DCHS2: variants seen among roughly 807,000 people sequenced by gnomAD.
DCHS2 encodes protocadherin-23.
Under a neutral mutation model 182.4 loss-of-function variants are expected in DCHS2, and 142 were observed. The observed-to-expected ratio is 0.78, with a 90% CI of 0.68 to 0.89. DCHS2 has a LOEUF of 0.89. DCHS2 is among the 40% of genes least tolerant of loss of function. The pLI, the probability that DCHS2 is intolerant of heterozygous loss-of-function variation, is 0.00. For synonymous variants in DCHS2, 1,740 were observed against 1,663.3 expected, an observed-to-expected ratio of 1.05 and a Z score of -1.12; for missense variants, 4,319 against 4,198.6, an observed-to-expected ratio of 1.03 and a Z score of -0.79.
At position 154,316,029 on chromosome 4, in the gene DCHS2, C is replaced by G. The variant is rs759365263; in HGVS notation, c.5021-42G>C. ...AGAAAAGCAACATGTAATGAATATT[C>G]TTTAGAGAAGTCATGCTTACTCCAC... On this transcript the variant is annotated intron_variant, in intron 9 of 19. Transcript: ENST00000357232. 4 of 1,606,896 alleles carry G rather than the reference C, an allele frequency of 2.5e-6. No homozygotes were observed. In the East Asian group the frequency reaches 6.7e-5, roughly 27 times the overall value.
chr4:154,488,576 T>A (rs1010960369), intron 1 of DCHS2, among the ~76,000 whole-genome samples: 2 of 144,272 alleles, frequency 1.4e-5, no homozygotes, highest in Non-Finnish European at 3.0e-5. Context: ...ACTACCTTAT[T>A]CCCTAGGTTG....
In DCHS2 at chr4:154,259,585, G is replaced by T. The variant is rs371990667; in HGVS notation, c.6749C>A (p.Ser2250Ter). Reference protein sequence around the residue: ...PCFEQSIYQASVSESQLYNAH... With the variant: ...PCFEQSIYQA ...ATTGTAGAGTTGGCTTTCAGACACTGATGCCTGGTAAATGCTTTGTTCAAA... is the reference window on the plus strand; with the variant it reads ...ATTGTAGAGTTGGCTTTCAGACACTTATGCCTGGTAAATGCTTTGTTCAAA... Residue 2250 changes from serine to a stop codon, truncating the protein, a stop_gained, in exon 15 of 20, where the codon TCA becomes TAA. Transcript: ENST00000357232. LOFTEE classifies it high-confidence loss of function. 1 of 1,613,648 alleles carries T rather than the reference G, an allele frequency of 6.2e-7. No individual in the cohort carries two copies. The highest frequency in any genetic ancestry group is 1.3e-5 in the African/African-American group (1 of 74,812).
chr4:154,457,831 T>C (rs1734835622), intron 1 of DCHS2, among the ~76,000 whole-genome samples: 1 of 152,190 alleles, frequency 6.6e-6, no homozygotes, highest in Non-Finnish European at 1.5e-5. Flanking sequence ...CACGAGAATT[T>C]GCATTTTTAA....
rs142455236 is a variant in DCHS2 at position 154,383,154 on chromosome 4, C to T, written c.2053-5710G>A. Among the ~76,000 whole-genome samples the T allele has an allele frequency of 1.8e-3, 281 of 152,242 alleles. 1 individual carries two copies. Among genetic ancestry groups the T allele is most frequent in the Middle Eastern group, 0.014 (4 of 294 alleles). On this transcript the variant is annotated intron_variant, in intron 1 of 19. Coordinates refer to ENST00000357232, the MANE Select transcript of DCHS2 (RefSeq NM_001358235.2). ...ATATGCACTATGGAATGCTACACAG[C>T]CATAAACAAGAAAAATATCATGTCC...
In DCHS2 at chr4:154,236,290, T is replaced by C. The variant is rs1560971191; in HGVS notation, c.8362A>G (p.Ile2788Val). Residue 2788 changes from isoleucine to valine, a missense_variant, in exon 20 of 20, where the codon ATA (isoleucine) becomes GTA (valine). Coordinates refer to ENST00000357232, the MANE Select transcript of DCHS2 (RefSeq NM_001358235.2). The part of the protein sequence containing the change: ...VPENLPISST[I>V]CSINALDFDA... ...AAATCCAGAGCATTTATAGAGCATATGGTAGAGGAAATAGGCAGATTTTCT... is the reference window on the plus strand; with the variant it reads ...AAATCCAGAGCATTTATAGAGCATACGGTAGAGGAAATAGGCAGATTTTCT... 3.7e-6 allele frequency: 6 copies of C among 1,613,986 alleles called. No homozygotes were observed. The highest frequency in any genetic ancestry group is 1.7e-5 in the Admixed American group (1 of 60,008).
chr4:154,416,501 G>C (rs73854752), intron 1 of DCHS2, among the ~76,000 whole-genome samples: 217 of 152,272 alleles, frequency 1.4e-3, no homozygotes, highest in African/African-American at 5.1e-3. Flanking sequence ...CAGGCTCCCT[G>C]AGTCCTGCTC....
intron 1 of DCHS2, among the ~76,000 whole-genome samples, chr4:154,378,495 G>T (rs143265895): frequency 4.4e-5 from 2 of 45,184 alleles, no homozygotes; most frequent in South Asian, 1.4e-3. Context: ...GAGGGAGGGA[G>T]GGTGGGAAGG....
Position 154,443,084 on chromosome 4 carries a change from C to T in DCHS2, c.2052+46220G>A, listed in dbSNP as rs116065009. ...TATCCACTCCAACCACCTCCAACAA[C>T]CACCACCGCCTCATGCCCTCACTTC... On this transcript the variant is annotated intron_variant, in intron 1 of 19. Coordinates refer to ENST00000357232, the MANE Select transcript of DCHS2 (RefSeq NM_001358235.2). Among the ~76,000 whole-genome samples the T allele has an allele frequency of 9.5e-3, 1,444 of 152,166 alleles. 19 individuals are homozygous for T. Among genetic ancestry groups the T allele is most frequent in the African/African-American group, 0.033 (1,379 of 41,492 alleles).
chr4:154,329,317 G>A (rs1023108512), intron 6 of DCHS2, among the ~76,000 whole-genome samples: 1 of 152,122 alleles, frequency 6.6e-6, no homozygotes, highest in African/African-American at 2.4e-5. Context: ...GCAACTGGAG[G>A]TACAATGCCA....
intron 13 of DCHS2, among the ~76,000 whole-genome samples, chr4:154,281,016 A>AATGTTTCACCATGT (rs1320509372): frequency 6.6e-6 from 1 of 151,938 alleles, no homozygotes; most frequent in Non-Finnish European, 1.5e-5. Context: ...TTGTGGAGAC[A>AATGTTTCACCATGT]ATGTTTCACC....
intron 15 of DCHS2, among the ~76,000 whole-genome samples, chr4:154,257,847 C>G (rs1483755800): frequency 6.6e-6 from 1 of 152,222 alleles, no homozygotes; most frequent in African/African-American, 2.4e-5. Context: ...CAGCCTTCTA[C>G]AAGTCTGCCA....
rs780197554 is a variant in DCHS2 at position 154,315,746 on chromosome 4, ACCTGAATCTCTGT to A, written c.5249_5260+1del. ...TACCCAGTTTCTGTATTTCTAAATTACCTGAATCTCTGTCCAGAGCTTCAACCCTGGTAACAAA... is the reference window on the plus strand; with the variant it reads ...TACCCAGTTTCTGTATTTCTAAATTACCAGAGCTTCAACCCTGGTAACAAA... On this transcript the variant is annotated splice_donor_variant and coding_sequence_variant, in exon 10 of 20. Transcript: ENST00000357232. LOFTEE classifies it high-confidence loss of function. 144 of 1,612,726 alleles carry A rather than the reference ACCTGAATCTCTGT, an allele frequency of 8.9e-5. No individual in the cohort carries two copies. Among genetic ancestry groups the A allele is most frequent in the Non-Finnish European group, 8.6e-5 (101 of 1,179,436 alleles).
At chr4:154,255,423 A>G (rs903856490) in intron 16 of DCHS2, 96 bp downstream of exon 16, 3 of 1,447,728 alleles carry the variant, frequency 2.1e-6, no homozygotes, top group East Asian at 2.4e-5. Context: ...ACATTTTACA[A>G]TAAGCTTACG....
intron 1 of DCHS2, among the ~76,000 whole-genome samples, chr4:154,465,763 C>T (rs908430265): frequency 6.6e-6 from 1 of 152,080 alleles, no homozygotes; most frequent in African/African-American, 2.4e-5. Flanking sequence ...AAGGACAATA[C>T]ACAAGGATTG....
At position 154,234,898 on chromosome 4, in the gene DCHS2, T is replaced by C. The variant is rs773052614; in HGVS notation, c.9754A>G (p.Asn3252Asp). The C allele has an allele frequency of 7.4e-6, 12 of 1,614,032 alleles. No individual in the cohort carries two copies. In the South Asian group the frequency reaches 1.3e-4, roughly 18 times the overall value. The change falls in exon 20 of 20, where the codon AAT (asparagine) becomes GAT (aspartate). Residue 3252 changes from asparagine to aspartate, a missense_variant. Physicochemically the swap from Asn to Asp is conservative, Grantham distance 23 (BLOSUM62 1). Transcript: ENST00000357232. ...TCATCCTTTAGTTTTGCAATATCAT[T>C]AAATACTGAGGCAAGAGGTTGGAAT... ...PKFQPLASVF[N>D]DIAKLKDEHL...
intron 3 of DCHS2, among the ~76,000 whole-genome samples, chr4:154,353,563 A>C (rs1348300537): frequency 6.6e-6 from 1 of 152,210 alleles, no homozygotes; most frequent in Non-Finnish European, 1.5e-5. Flanking sequence ...CCTGACTCCT[A>C]TCATCTATCA....
At chr4:154,475,969 T>C (rs1015286915) in intron 1 of DCHS2, among the ~76,000 whole-genome samples, 5 of 152,210 alleles carry the variant, frequency 3.3e-5, no homozygotes, top group African/African-American at 1.2e-4. Context: ...CACATAACTA[T>C]TAATAAATCA....
intron 3 of DCHS2, among the ~76,000 whole-genome samples, chr4:154,354,339 T>C (rs564619533): frequency 6.6e-6 from 1 of 152,378 alleles, no homozygotes; most frequent in East Asian, 1.9e-4. Flanking sequence ...TCATCTAAAT[T>C]ACAGTTCTGT....
In DCHS2 at chr4:154,320,519, T is replaced by C. The variant is rs755594334; in HGVS notation, c.4880A>G (p.His1627Arg). 3.1e-6 allele frequency: 5 copies of C among 1,613,896 alleles called. No homozygotes were observed. The highest frequency in any genetic ancestry group is 2.7e-5 in the African/African-American group (2 of 74,888). The change falls in exon 9 of 20, where the codon CAT (histidine) becomes CGT (arginine). Residue 1627 changes from histidine (H) to arginine (R), a missense_variant. Coordinates refer to ENST00000357232, the MANE Select transcript of DCHS2 (RefSeq NM_001358235.2). ...GCCCACTGTGACATCCTCTTTGACATGGGCATTGGGGAAAGAAATAAAAGT... is the reference window on the plus strand; with the variant it reads ...GCCCACTGTGACATCCTCTTTGACACGGGCATTGGGGAAAGAAATAAAAGT... ...NPTFISFPNA[H>R]VKEDVTVGSL...
Sources: allele counts gnomAD v4.1 joint callset (sites outside exome capture counted in the v4.1 genomes callset), GRCh38; gene constraint gnomAD v4.1.1; transcripts MANE v1.5; gene names NCBI Gene and HGNC (gene_info 2026-07-23, HGNC 2026-07-21).